Variants in OCA2 observed in about 807,000 individuals in gnomAD.
The protein encoded by OCA2 is P protein.
In OCA2, 77 loss-of-function variants were observed where a neutral mutation model predicts 100.2. The ratio of observed to expected loss-of-function variants is 0.77; its 90% CI spans 0.64 to 0.93. The LOEUF is 0.93. Among genes scored for constraint, OCA2 ranks in the 40% least tolerant of loss-of-function variants. The pLI is 0.00. For missense variants in OCA2, 1,062 were observed against 1,089.1 expected (o/e 0.98, Z 0.35); for synonymous variants, 432 against 439.2 (o/e 0.98, Z 0.21).
chr15:27,764,887 G>C (rs1442325316), intron 23 of OCA2, among the ~76,000 whole-genome samples: 1 of 152,216 alleles, frequency 6.6e-6, no homozygotes, highest in Non-Finnish European at 1.5e-5. Flanking sequence ...AGAATGGCTA[G>C]TCCATAGGCA....
At chr15:27,856,700 TAACACACACA>T (rs1489077569) in intron 21 of OCA2, among the ~76,000 whole-genome samples, 3 of 131,928 alleles carry the variant, frequency 2.3e-5, no homozygotes, top group African/African-American at 9.7e-5. Flanking sequence ...CACACACCCC[TAACACACACA>T]CACACACACA....
intron 3 of OCA2, among the ~76,000 whole-genome samples, chr15:28,029,624 A>C (rs182718333): frequency 1.5e-3 from 224 of 152,360 alleles, no homozygotes; most frequent in Middle Eastern, 3.4e-3. Context: ...TTAAATAAAC[A>C]TCTGTGAAGA....
At chr15:27,960,183 A>G (rs56192849) in intron 15 of OCA2, among the ~76,000 whole-genome samples, 22,968 of 152,194 alleles carry the variant, frequency 0.15, 3,523 homozygotes, top group East Asian at 0.84. Flanking sequence ...TAGTTTTTAT[A>G]TAATGCAATT....
intron 19 of OCA2, among the ~76,000 whole-genome samples, chr15:27,887,105 C>A (rs2037254983): frequency 6.6e-6 from 1 of 152,206 alleles, no homozygotes; most frequent in African/African-American, 2.4e-5. Flanking sequence ...CTGCCGCCAT[C>A]CATGTAAGAT....
At chr15:27,961,653 A>G (rs2040414203) in intron 15 of OCA2, among the ~76,000 whole-genome samples, 1 of 152,246 alleles carries the variant, frequency 6.6e-6, no homozygotes, top group Non-Finnish European at 1.5e-5. Flanking sequence ...TTGCAGGGAC[A>G]TGGATTAAGC....
intron 19 of OCA2, chr15:27,895,894 T>G: frequency 1.7e-6 from 1 of 583,104 alleles, no homozygotes; most frequent in Admixed American, 2.3e-5. Flanking sequence ...TTTATCAGGT[T>G]GCTTATGCCC....
intron 6 of OCA2, among the ~76,000 whole-genome samples, chr15:28,021,044 A>G (rs2042578577): frequency 6.6e-6 from 1 of 152,236 alleles, no homozygotes; most frequent in Non-Finnish European, 1.5e-5. Flanking sequence ...CTAAAATTTC[A>G]GTTCACTGAG....
intron 19 of OCA2, among the ~76,000 whole-genome samples, chr15:27,907,428 GAAA>G (rs1166843149): frequency 6.6e-6 from 1 of 151,624 alleles, no homozygotes; most frequent in East Asian, 1.9e-4. Flanking sequence ...TAACAACACT[GAAA>G]AAAAGATTAA....
At chr15:27,880,231 A>C (rs749420655) in intron 19 of OCA2, among the ~76,000 whole-genome samples, 1 of 152,162 alleles carries the variant, frequency 6.6e-6, no homozygotes, top group Non-Finnish European at 1.5e-5. Context: ...TTGTGCCAGT[A>C]CCATGCTGTT....
chr15:27,981,108 T>C (rs1267749530), intron 14 of OCA2, among the ~76,000 whole-genome samples: 2 of 152,264 alleles, frequency 1.3e-5, no homozygotes, highest in Non-Finnish European at 2.9e-5. Context: ...TCTTTCCTTA[T>C]GTAATATTTA....
chr15:28,036,027 G>A (rs776150166), intron 2 of OCA2, among the ~76,000 whole-genome samples: 20 of 151,992 alleles, frequency 1.3e-4, no homozygotes, highest in Non-Finnish European at 1.9e-4. Context: ...ACATATTCAC[G>A]TATACAAATT....
At chr15:27,860,617 C>T (rs2036095681) in intron 21 of OCA2, among the ~76,000 whole-genome samples, 1 of 152,202 alleles carries the variant, frequency 6.6e-6, no homozygotes, top group Non-Finnish European at 1.5e-5. Flanking sequence ...CATGTTGCTG[C>T]AAGGAACATG....
the OCA2 span, among the ~76,000 whole-genome samples, chr15:27,726,892 A>C: frequency 6.6e-6 from 1 of 152,270 alleles, no homozygotes; most frequent in East Asian, 1.9e-4. Flanking sequence ...GGGAACCTGA[A>C]TCTTAAACAG....
At chr15:28,031,090 G>A (rs8024929) in intron 3 of OCA2, among the ~76,000 whole-genome samples, 15,005 of 152,150 alleles carry the variant, frequency 0.099, 2,349 homozygotes, top group African/African-American at 0.33. Context: ...TTAAATTGGG[G>A]GAGGGGGGAA....
intron 19 of OCA2, among the ~76,000 whole-genome samples, chr15:27,908,153 GACC>G (rs374029847): frequency 1.3e-5 from 2 of 151,974 alleles, no homozygotes; most frequent in East Asian, 3.9e-4. Flanking sequence ...TTAGCAAAAA[GACC>G]ACCACATTAA....
chr15:27,981,654 A>C (rs1283011544), intron 14 of OCA2, among the ~76,000 whole-genome samples: 1 of 152,222 alleles, frequency 6.6e-6, no homozygotes, highest in Non-Finnish European at 1.5e-5. Flanking sequence ...AGATATCATT[A>C]CTATTCCTGT....
At chr15:27,843,723 C>T (rs371728407) in intron 23 of OCA2, among the ~76,000 whole-genome samples, 3 of 152,216 alleles carry the variant, frequency 2.0e-5, no homozygotes, top group South Asian at 2.1e-4. Context: ...TAGTTTCTTA[C>T]GAACCATGGA....
At chr15:27,815,733 C>T (rs753222954) in intron 23 of OCA2, among the ~76,000 whole-genome samples, 21 of 152,152 alleles carry the variant, frequency 1.4e-4, no homozygotes, top group Non-Finnish European at 2.6e-4. Flanking sequence ...AATGCTGACA[C>T]GCACTGCCTT....
At chr15:27,754,135 C>T (rs533890963), downstream of OCA2, among the ~76,000 whole-genome samples, 11 of 152,308 alleles carry the variant, frequency 7.2e-5, no homozygotes, top group East Asian at 1.9e-4. Flanking sequence ...TTCTGTGTGA[C>T]GTTGTCCAAC....
Sources: allele counts gnomAD v4.1 joint callset (sites outside exome capture counted in the v4.1 genomes callset), GRCh38; gene constraint gnomAD v4.1.1; transcripts MANE v1.5; gene names NCBI Gene and HGNC (gene_info 2026-07-23, HGNC 2026-07-21).